DDX25: variants seen among roughly 807,000 people sequenced by gnomAD.
DDX25 encodes the protein ATP-dependent RNA helicase DDX25.
DDX25 carries 70 observed loss-of-function variants against 64.6 expected under a neutral mutation model. The observed-to-expected ratio is 1.08, with a 90% CI of 0.89 to 1.32. DDX25 has a LOEUF of 1.32. DDX25 is among the 40% of genes most tolerant of loss of function. DDX25 has a pLI of 0.00. For missense variants in DDX25, 587 were observed against 604.4 expected, an observed-to-expected ratio of 0.97 and a Z score of 0.30; for synonymous variants, 211 against 213.3, an observed-to-expected ratio of 0.99 and a Z score of 0.09.
intron 2 of DDX25, 31 bp downstream of exon 2, chr11:125,905,309 C>T (rs931819033): frequency 1.9e-6 from 3 of 1,549,064 alleles, no homozygotes; most frequent in Admixed American, 2.0e-5. Flanking sequence ...GCAGAGCGAC[C>T]TCAATGATTA....
chr11:125,917,268 T>C lies in DDX25; in HGVS notation c.1038+17T>C. 6.3e-7 allele frequency: 1 copy of C among 1,580,830 alleles called. No individual in the cohort carries two copies. Among genetic ancestry groups the C allele is most frequent in the Non-Finnish European group, 8.6e-7 (1 of 1,163,380 alleles). ...TTCTGCCAGGTACACTCTGTGGATG[T>C]GTCTTCATCGAGCCCAGATATGCCT... On this transcript the variant is annotated intron_variant, in intron 9 of 11. Transcript: ENST00000263576.
chr11:125,911,949 A>T (rs75441789), intron 8 of DDX25, among the ~76,000 whole-genome samples: 3,695 of 152,292 alleles, frequency 0.024, 122 homozygotes, highest in African/African-American at 0.083. Flanking sequence ...CTCTATCAGG[A>T]TCACCTGAGG....
At position 125,924,119 on chromosome 11, in the gene DDX25, G is replaced by A. The variant is rs779175205; in HGVS notation, c.*1238G>A. Reference sequence around the variant, plus strand: ...TTCTCTACTAAAAATATAAAAATTAGCTGGGCGTGGTGGTACGCGTGCCTG... The same window carrying A: ...TTCTCTACTAAAAATATAAAAATTAACTGGGCGTGGTGGTACGCGTGCCTG... On this transcript the variant is annotated 3_prime_UTR_variant, in exon 12 of 12. Coordinates refer to ENST00000263576, the MANE Select transcript of DDX25 (RefSeq NM_013264.5). The A allele has an allele frequency of 1.3e-5, 2 of 152,160 alleles. No individual in the cohort carries two copies. Among genetic ancestry groups the A allele is most frequent in the Non-Finnish European group, 2.9e-5 (2 of 68,062 alleles). The allele number at this position is 152,160 out of a possible 1,614,324, so 9.4% of individuals were successfully genotyped here. A position where few individuals can be genotyped will look rare whatever the true frequency, so the allele number is the denominator to read the frequency against.
In DDX25 at chr11:125,917,211, A is replaced by T; in HGVS notation, c.998A>T (p.Tyr333Phe). Residue 333 changes from tyrosine to phenylalanine, a missense_variant, in exon 9 of 12, where the codon TAT (tyrosine) becomes TTT (phenylalanine). Coordinates refer to ENST00000263576, the MANE Select transcript of DDX25 (RefSeq NM_013264.5). ...AAATACCAAGCTCTGTGCAACATTT[A>T]TGGCAGCATCACCATTGGTCAGGCC... ...KDKYQALCNI[Y>F]GSITIGQAII... 1 of 1,610,058 alleles carries T rather than the reference A, an allele frequency of 6.2e-7. No individual in the cohort carries two copies. Among genetic ancestry groups the T allele is most frequent in the South Asian group, 1.1e-5 (1 of 89,702 alleles).
At chr11:125,910,909 G>A (rs505183) in intron 7 of DDX25, among the ~76,000 whole-genome samples, 3 of 150,282 alleles carry the variant, frequency 2.0e-5, no homozygotes, top group African/African-American at 7.3e-5. Flanking sequence ...AAGCCTTTGT[G>A]TTTTGCTTTT....
intron 4 of DDX25, among the ~76,000 whole-genome samples, chr11:125,907,119 G>C (rs902071412): frequency 1.3e-5 from 2 of 152,106 alleles, no homozygotes; most frequent in Non-Finnish European, 2.9e-5. Flanking sequence ...GCATTCCCTA[G>C]GGATTTATCA....
chr11:125,923,156 G>T lies in DDX25; in HGVS notation c.*275G>T. 1 of 380,790 alleles carries T rather than the reference G, an allele frequency of 2.6e-6. No homozygotes were observed. Among genetic ancestry groups the T allele is most frequent in the Non-Finnish European group, 4.8e-6 (1 of 209,234 alleles). 23.6% of individuals were successfully genotyped at this position (380,790 alleles called of 1,614,324 possible). On this transcript the variant is annotated 3_prime_UTR_variant, in exon 12 of 12. Coordinates refer to ENST00000263576, the MANE Select transcript of DDX25 (RefSeq NM_013264.5). ...CAATGTGGGCTATGGGGGTGTTTTT[G>T]GATTTGGTTGATACAATCTGAGCAG...
chr11:125,909,613 G>T (rs1187711623), intron 6 of DDX25, among the ~76,000 whole-genome samples: 1 of 151,072 alleles, frequency 6.6e-6, no homozygotes, highest in East Asian at 1.9e-4. Context: ...AATATAAACA[G>T]ATTGGATCAA....
At chr11:125,907,447 A>G (rs1205203889) in intron 4 of DDX25, among the ~76,000 whole-genome samples, 2 of 152,110 alleles carry the variant, frequency 1.3e-5, no homozygotes, top group Non-Finnish European at 2.9e-5. Context: ...TCTCTACTAA[A>G]AATACAAAAA....
chr11:125,921,308 A>T lies in DDX25; in HGVS notation c.1319A>T (p.Lys440Ile), dbSNP rs1399667877. The T allele has an allele frequency of 6.2e-7, 1 of 1,613,846 alleles. No individual in the cohort carries two copies. The highest frequency in any genetic ancestry group is 8.5e-7 in the Non-Finnish European group (1 of 1,179,848). ...HRIGRTGRFG[K>I]KGLAFNMIEV... ...ATAGGGCGGACGGGGCGCTTTGGGAAAAAAGGCCTTGCCTTCAACATGATT... is the reference window on the plus strand; with the variant it reads ...ATAGGGCGGACGGGGCGCTTTGGGATAAAAGGCCTTGCCTTCAACATGATT... Residue 440 changes from lysine to isoleucine, a missense_variant, in exon 11 of 12, where the codon AAA (lysine) becomes ATA (isoleucine). Coordinates refer to ENST00000263576, the MANE Select transcript of DDX25 (RefSeq NM_013264.5). This position sits in a 1 kb window ranked among gnomAD's most constrained non-coding sequence, Gnocchi z 4.1.
Position 125,923,122 on chromosome 11 carries a change from G to A in DDX25, c.*241G>A. 2.1e-6 allele frequency: 1 copy of A among 480,200 alleles called. No homozygotes were observed. Among genetic ancestry groups the A allele is most frequent in the Non-Finnish European group, 3.7e-6 (1 of 269,138 alleles). 29.7% of individuals were successfully genotyped at this position (480,200 alleles called of 1,614,324 possible). A position where few individuals can be genotyped will look rare whatever the true frequency, so the allele number is the denominator to read the frequency against. The stretch of plus-strand genomic sequence containing the variant: ...ATTTCTTATTCTAATCTTTGTACAG[G>A]TAATGTCTCAATGTGGGCTATGGGG... On this transcript the variant is annotated 3_prime_UTR_variant, in exon 12 of 12. Transcript: ENST00000263576.
chr11:125,908,422 G>A lies in DDX25; in HGVS notation c.426G>A (p.Gln142=). ...ACAGACCCCAGAACCTCATAGCACA[G>A]AGCCAGTCTGGAACAGGAAAGACAG... ...LAHPPQNLIA[Q]SQSGTGKTAA... is the part of the protein sequence containing the mutation. Residue 142 remains glutamine (Q), a synonymous_variant, in exon 6 of 12, where the codon CAG becomes CAA. Transcript: ENST00000263576. The A allele has an allele frequency of 6.2e-7, 1 of 1,613,988 alleles. No individual in the cohort carries two copies.
At chr11:125,912,455 C>T (rs1217244573) in intron 8 of DDX25, among the ~76,000 whole-genome samples, 1 of 152,174 alleles carries the variant, frequency 6.6e-6, no homozygotes, top group Non-Finnish European at 1.5e-5. Flanking sequence ...TCCAGGACCC[C>T]TTGCACGTGC....
At chr11:125,905,418 C>T (rs1944869890) in intron 2 of DDX25, 135 bp from the exon 3 acceptor site, 6 of 1,326,046 alleles carry the variant, frequency 4.5e-6, no homozygotes, top group African/African-American at 1.5e-5. Context: ...CCAATCGTTT[C>T]GTCCATTCCT....
chr11:125,904,130 C>T (rs1403479407), upstream of DDX25, among the ~76,000 whole-genome samples: 2 of 152,206 alleles, frequency 1.3e-5, no homozygotes, highest in Non-Finnish European at 2.9e-5. Context: ...GAAACCGACA[C>T]GGGGCGTAAA....
intron 10 of DDX25, among the ~76,000 whole-genome samples, chr11:125,920,174 C>A (rs111806770): frequency 6.6e-6 from 1 of 152,152 alleles, no homozygotes; most frequent in Non-Finnish European, 1.5e-5. Flanking sequence ...CGGTGGCTCA[C>A]GCCTGTAATC....
chr11:125,918,550 A>C, intron 9 of DDX25, 78 bp from the exon 10 acceptor site: 74 of 1,446,008 alleles, frequency 5.1e-5, no homozygotes, highest in Admixed American at 8.0e-5. Flanking sequence ...CCCGCCCTGC[A>C]TGCATGGTGT....
upstream of DDX25, among the ~76,000 whole-genome samples, chr11:125,904,106 C>T (rs1944837506): frequency 6.6e-6 from 1 of 152,196 alleles, no homozygotes; most frequent in South Asian, 2.1e-4. Context: ...GATGTGGAGG[C>T]GGAAATTTCC....
chr11:125,904,556 G>A lies in DDX25; in HGVS notation c.39G>A (p.Ala13=). Residue 13 remains alanine (A), a synonymous_variant, in exon 1 of 12, where the codon GCG becomes GCA. Transcript: ENST00000263576. ...SLLWGGDAGA[A]ESERLNSHFS... ...TGTGGGGAGGCGACGCAGGGGCGGC[G>A]GAGAGCGAGCGGCTGAACAGCCACG... 6.7e-7 allele frequency: 1 copy of A among 1,498,450 alleles called. No individual in the cohort carries two copies. The highest frequency in any genetic ancestry group is 8.9e-7 in the Non-Finnish European group (1 of 1,124,034). 92.8% of individuals were successfully genotyped at this position (1,498,450 alleles called of 1,614,324 possible).
Sources: gnomAD v4.1 joint callset for allele counts (sites outside exome capture counted in the v4.1 genomes callset) on GRCh38, gnomAD v4.1.1 for gene constraint, Gnocchi (gnomAD v3.1) non-coding constraint, MANE v1.5 for transcripts, NCBI Gene and HGNC (gene_info 2026-07-23, HGNC 2026-07-21) for gene names.